COG5: variants seen among roughly 807,000 people sequenced by gnomAD.
The protein encoded by COG5 is component of oligomeric golgi complex 5, also known as conserved oligomeric Golgi complex subunit 5.
Under a neutral mutation model 110.4 loss-of-function variants are expected in COG5, and 86 were observed. The ratio of observed to expected loss-of-function variants is 0.78; its 90% CI spans 0.65 to 0.93. The LOEUF (loss-of-function observed/expected upper bound fraction) is 0.93, where lower values mean the gene tolerates loss of function less well. COG5 is among the 40% of genes least tolerant of loss of function. The pLI, the probability that COG5 is intolerant of heterozygous loss-of-function variation, is 0.00. For missense variants in COG5, 1,077 were observed against 987.0 expected, an observed-to-expected ratio of 1.09 and a Z score of -1.22; for synonymous variants, 360 against 334.6, an observed-to-expected ratio of 1.08 and a Z score of -0.83.
chr7:107,412,195 G>T (rs748068368), intron 7 of COG5, among the ~76,000 whole-genome samples: 21 of 151,970 alleles, frequency 1.4e-4, no homozygotes, highest in Non-Finnish European at 2.8e-4. Context: ...CTTAAATGAG[G>T]AATCGTGCTT....
At position 107,348,217 on chromosome 7, in the gene COG5, C is replaced by A. The variant is rs1390188824; in HGVS notation, c.1026+13816G>T. Among the ~76,000 whole-genome samples the A allele has an allele frequency of 2.7e-5, 4 of 149,810 alleles. 1 individual carries two copies. The East Asian group carries it at 8.0e-4, about 30-fold the overall frequency. ...GTCATCTGTATATACTGCTGCACTT[C>A]TGTGGTAATATTGAAAATTTTTCAA... On this transcript the variant is annotated intron_variant, in intron 10 of 21. Transcript: ENST00000297135.
At chr7:107,548,453 T>A (rs1802635953) in intron 3 of COG5, 121 bp from the exon 4 acceptor site, 1 of 899,596 alleles carries the variant, frequency 1.1e-6, no homozygotes, top group Non-Finnish European at 1.8e-6. Context: ...ACCATCCTAA[T>A]CCAAGCAACC....
chr7:107,268,576 A>G (rs560887761), intron 14 of COG5, among the ~76,000 whole-genome samples: 2 of 152,034 alleles, frequency 1.3e-5, no homozygotes, highest in African/African-American at 4.8e-5. Flanking sequence ...GGCTTGACTG[A>G]CCCTCTTCCC....
intron 5 of COG5, among the ~76,000 whole-genome samples, chr7:107,546,676 A>G (rs1394955696): frequency 6.6e-6 from 1 of 151,574 alleles, no homozygotes; most frequent in East Asian, 1.9e-4. Flanking sequence ...AAATCTCAAA[A>G]CCAGAAATGA....
chr7:107,427,598 T>C (rs1793733529), intron 6 of COG5, among the ~76,000 whole-genome samples: 1 of 151,872 alleles, frequency 6.6e-6, no homozygotes, highest in Non-Finnish European at 1.5e-5. Flanking sequence ...TCGGTGACTT[T>C]TGCCAGCTGG....
At chr7:107,381,536 C>G (rs1402182059) in intron 7 of COG5, among the ~76,000 whole-genome samples, 2 of 152,162 alleles carry the variant, frequency 1.3e-5, no homozygotes, top group African/African-American at 4.8e-5. Flanking sequence ...GAACTGTACC[C>G]TGGACATTTT....
chr7:107,563,623 G>T (rs563149150), intron 1 of COG5, 180 bp downstream of exon 1: 2 of 705,278 alleles, frequency 2.8e-6, no homozygotes, highest in Non-Finnish European at 5.2e-6. Context: ...GAGGGAGCCA[G>T]TCCCAGAGTA....
At position 107,503,036 on chromosome 7, in the gene COG5, T is replaced by C. The variant is rs556888172; in HGVS notation, c.538+24201A>G. ...ACCAGGTCCCATTTATTTATTTTTG[T>C]TGCATTTGCTTTTGGGATTTCAGTC... On this transcript the variant is annotated intron_variant, in intron 6 of 21. Transcript: ENST00000297135. 2.2e-4 allele frequency among the ~76,000 whole-genome samples: 34 copies of C among 151,296 alleles called. 1 individual carries two copies. Among genetic ancestry groups the C allele is most frequent in the African/African-American group, 7.0e-4 (29 of 41,474 alleles).
At chr7:107,262,181 G>C (rs748586985) in intron 14 of COG5, among the ~76,000 whole-genome samples, 2 of 152,046 alleles carry the variant, frequency 1.3e-5, no homozygotes. Context: ...ATGAGCCACC[G>C]CACCGGCCGT....
intron 6 of COG5, among the ~76,000 whole-genome samples, chr7:107,480,062 A>G (rs1297626725): frequency 6.6e-6 from 1 of 152,156 alleles, no homozygotes; most frequent in Non-Finnish European, 1.5e-5. Context: ...AAAATGTTTT[A>G]AAATAGCAAC....
At chr7:107,563,419 T>C in intron 1 of COG5, 2 of 355,904 alleles carry the variant, frequency 5.6e-6, no homozygotes, top group Non-Finnish European at 1.1e-5. Flanking sequence ...CCGTCTGTTC[T>C]AGAGCTTACA....
At chr7:107,503,093 G>T (rs539195995) in intron 6 of COG5, among the ~76,000 whole-genome samples, 2 of 152,248 alleles carry the variant, frequency 1.3e-5, no homozygotes, top group East Asian at 1.9e-4. Flanking sequence ...ATGTCTAGAA[G>T]AGTTTTTCCT....
chr7:107,476,681 A>T (rs910624296), intron 6 of COG5, among the ~76,000 whole-genome samples: 1 of 151,766 alleles, frequency 6.6e-6, no homozygotes, highest in East Asian at 1.9e-4. Context: ...TCAGAAATTT[A>T]GCAATAAGTT....
intron 19 of COG5, among the ~76,000 whole-genome samples, chr7:107,212,703 C>A (rs1799267203): frequency 6.6e-6 from 1 of 152,120 alleles, no homozygotes; most frequent in Admixed American, 6.5e-5. Flanking sequence ...ACAGAAAATC[C>A]AACTAACAAT....
intron 7 of COG5, among the ~76,000 whole-genome samples, chr7:107,385,073 T>C (rs1563002847): frequency 3.3e-5 from 5 of 152,198 alleles, no homozygotes; most frequent in Admixed American, 3.3e-4. Flanking sequence ...TGAATTATAG[T>C]GGGCCTTAAA....
At chr7:107,385,557 A>G (rs1329249532) in intron 7 of COG5, among the ~76,000 whole-genome samples, 1 of 152,242 alleles carries the variant, frequency 6.6e-6, no homozygotes, top group Non-Finnish European at 1.5e-5. Context: ...TGTACATTAC[A>G]ACACGGATAA....
At chr7:107,340,033 C>A (rs1387596519) in intron 10 of COG5, among the ~76,000 whole-genome samples, 3 of 151,692 alleles carry the variant, frequency 2.0e-5, no homozygotes, top group Non-Finnish European at 2.9e-5. Context: ...CAGAGTGGAA[C>A]TGAACAAAAT....
intron 5 of COG5, among the ~76,000 whole-genome samples, chr7:107,541,208 G>C (rs943051447): frequency 6.7e-6 from 1 of 149,828 alleles, no homozygotes; most frequent in Non-Finnish European, 1.5e-5. Flanking sequence ...ATGAAAACAT[G>C]AATGTCAGCC....
At chr7:107,218,777 G>A (rs574229461) in intron 19 of COG5, among the ~76,000 whole-genome samples, 10 of 152,008 alleles carry the variant, frequency 6.6e-5, no homozygotes, top group African/African-American at 2.2e-4. Flanking sequence ...GAAAACATAG[G>A]GGGAAACTTC....
Sources: gnomAD v4.1 joint callset for allele counts (sites outside exome capture counted in the v4.1 genomes callset) on GRCh38, gnomAD v4.1.1 for gene constraint, MANE v1.5 for transcripts, NCBI Gene and HGNC (gene_info 2026-07-23, HGNC 2026-07-21) for gene names.